Variants in LINGO2 observed in about 807,000 individuals in gnomAD.
LINGO2 encodes the protein leucine-rich repeat and immunoglobulin-like domain-containing nogo receptor-interacting protein 2.
Under a neutral mutation model 30.6 loss-of-function variants are expected in LINGO2, and 14 were observed. The observed-to-expected ratio is 0.46, with a 90% CI of 0.30 to 0.72. The LOEUF (loss-of-function observed/expected upper bound fraction) is 0.72. Among genes scored for constraint, LINGO2 ranks in the 30% least tolerant of loss-of-function variants. The pLI is 0.07. For synonymous variants in LINGO2, 317 were observed against 288.5 expected, an observed-to-expected ratio of 1.10 and a Z score of -1.00; for missense variants, 729 against 751.7, an observed-to-expected ratio of 0.97 and a Z score of 0.35.
chr9:28,097,325 C>T (rs2133294356), intron 4 of LINGO2, among the ~76,000 whole-genome samples: 1 of 151,708 alleles, frequency 6.6e-6, no homozygotes, highest in Admixed American at 6.6e-5. Context: ...CCCAGCCATC[C>T]CATTACTGGG....
chr9:27,978,603 T>C (rs1461405932), intron 5 of LINGO2, among the ~76,000 whole-genome samples: 1 of 152,020 alleles, frequency 6.6e-6, no homozygotes, highest in Non-Finnish European at 1.5e-5. Flanking sequence ...ATTGGTGCCT[T>C]CATGAAGGTC....
chr9:27,947,631 G>A (rs969347232), downstream of LINGO2, among the ~76,000 whole-genome samples: 9 of 152,192 alleles, frequency 5.9e-5, no homozygotes, highest in African/African-American at 1.2e-4. Flanking sequence ...CAGTATTCAA[G>A]TAGAGAACAT....
chr9:28,602,325 CAAAAT>C (rs953532960), intron 1 of LINGO2, among the ~76,000 whole-genome samples: 13 of 151,600 alleles, frequency 8.6e-5, no homozygotes, highest in African/African-American at 3.2e-4. Context: ...AACAAACAAA[CAAAAT>C]AAAAGTTAAC....
At chr9:28,175,963 T>G (rs1423999390) in intron 4 of LINGO2, among the ~76,000 whole-genome samples, 4 of 152,216 alleles carry the variant, frequency 2.6e-5, no homozygotes, top group Non-Finnish European at 5.9e-5. Context: ...TGATATGACC[T>G]CATCAGAAGA....
At position 28,069,065 on chromosome 9, in the gene LINGO2, A is replaced by G. The variant is rs548155491; in HGVS notation, c.-86-56660T>C. On this transcript the variant is annotated intron_variant, in intron 4 of 5. Transcript: ENST00000379992. The stretch of plus-strand genomic sequence containing the variant: ...GAAGATAAAAAGCCATCTGAGCATC[A>G]AAAGCAAGAAAATGCTATAGGATTT... Among the ~76,000 whole-genome samples, 448 of 152,310 alleles carry G rather than the reference A, an allele frequency of 2.9e-3. 4 individuals carry two copies. The highest frequency in any genetic ancestry group is 2.4e-3 in the Non-Finnish European group (165 of 68,030).
At chr9:28,863,265 T>C in the LINGO2 span, among the ~76,000 whole-genome samples, 1 of 152,174 alleles carries the variant, frequency 6.6e-6, no homozygotes, top group East Asian at 1.9e-4. Context: ...AAATAAAATA[T>C]GATATTTAAA....
the LINGO2 span, among the ~76,000 whole-genome samples, chr9:29,112,429 C>T: frequency 2.0e-4 from 31 of 152,238 alleles, no homozygotes; most frequent in Non-Finnish European, 1.2e-4. Flanking sequence ...GAACTACTGT[C>T]CTTCCCAATC....
the LINGO2 span, among the ~76,000 whole-genome samples, chr9:29,175,510 C>T: frequency 6.8e-6 from 1 of 147,866 alleles, no homozygotes; most frequent in Non-Finnish European, 1.5e-5. Context: ...TTCTTTAGAT[C>T]GTATCTCCGA....
the LINGO2 span, among the ~76,000 whole-genome samples, chr9:29,118,553 G>A: frequency 6.6e-6 from 1 of 152,132 alleles, no homozygotes; most frequent in Non-Finnish European, 1.5e-5. Flanking sequence ...GTAGAACCCT[G>A]GTGAAGCCCA....
intron 4 of LINGO2, among the ~76,000 whole-genome samples, chr9:28,261,875 G>A (rs1041743681): frequency 1.4e-4 from 22 of 151,944 alleles, no homozygotes; most frequent in Non-Finnish European, 2.7e-4. Flanking sequence ...TGGACTTGGT[G>A]TTAAAAGGTC....
the LINGO2 span, among the ~76,000 whole-genome samples, chr9:29,027,408 G>A: frequency 6.6e-6 from 1 of 152,074 alleles, no homozygotes; most frequent in South Asian, 2.1e-4. Flanking sequence ...CAGAATCTTG[G>A]CTCACTGAAA....
chr9:28,988,026 T>A, the LINGO2 span, among the ~76,000 whole-genome samples: 1 of 152,196 alleles, frequency 6.6e-6, no homozygotes, highest in African/African-American at 2.4e-5. Context: ...TGAACTGTTT[T>A]ATGCAGGTCT....
At chr9:28,369,442 G>A (rs937737482) in intron 3 of LINGO2, among the ~76,000 whole-genome samples, 1 of 152,124 alleles carries the variant, frequency 6.6e-6, no homozygotes, top group Non-Finnish European at 1.5e-5. Flanking sequence ...ACCACTACAC[G>A]TGCTGCCACT....
At chr9:28,949,262 C>G in the LINGO2 span, among the ~76,000 whole-genome samples, 8 of 151,882 alleles carry the variant, frequency 5.3e-5, no homozygotes, top group African/African-American at 1.9e-4. Context: ...AAGATCAGAC[C>G]AGAACTGAAG....
intron 1 of LINGO2, among the ~76,000 whole-genome samples, chr9:28,513,176 A>G (rs1014857072): frequency 7.2e-5 from 11 of 152,128 alleles, no homozygotes; most frequent in African/African-American, 2.7e-4. Flanking sequence ...TGCAACAAAC[A>G]GGCAAAAAAA....
chr9:28,013,635 T>C (rs1587689601), intron 4 of LINGO2, among the ~76,000 whole-genome samples: 1 of 152,224 alleles, frequency 6.6e-6, no homozygotes, highest in Non-Finnish European at 1.5e-5. Flanking sequence ...TTTAGTTTCT[T>C]ATTGTCTACA....
chr9:28,566,299 T>C (rs1196617300), intron 1 of LINGO2, among the ~76,000 whole-genome samples: 1 of 152,176 alleles, frequency 6.6e-6, no homozygotes, highest in Non-Finnish European at 1.5e-5. Flanking sequence ...ATTTTGTCAA[T>C]GAATATAGCT....
chr9:28,065,412 G>A (rs1433304407), intron 4 of LINGO2, among the ~76,000 whole-genome samples: 2 of 134,546 alleles, frequency 1.5e-5, no homozygotes, highest in Non-Finnish European at 3.2e-5. Context: ...ATAAGAGGGT[G>A]GGGGATGGTC....
rs12235459 is a variant in LINGO2 at position 28,283,620 on chromosome 9, T to C, written c.-87+11588A>G. ...CACAGATTTCAAAAAGAGGATACTTTGGGAGAAAAACTCACACATGTATTA... is the reference window on the plus strand; with the variant it reads ...CACAGATTTCAAAAAGAGGATACTTCGGGAGAAAAACTCACACATGTATTA... On this transcript the variant is annotated intron_variant, in intron 4 of 5. Coordinates refer to ENST00000379992, the Ensembl canonical transcript of LINGO2. 6.3e-3 allele frequency among the ~76,000 whole-genome samples: 954 copies of C among 152,248 alleles called. 24 individuals are homozygous for C. The East Asian group carries it at 0.085, about 14-fold the overall frequency.
Sources: gnomAD v4.1 joint callset for allele counts (sites outside exome capture counted in the v4.1 genomes callset) on GRCh38, gnomAD v4.1.1 for gene constraint, MANE v1.5 for transcripts, NCBI Gene and HGNC (gene_info 2026-07-23, HGNC 2026-07-21) for gene names.